Variants in PLEKHA8 observed in about 807,000 individuals in gnomAD.
PLEKHA8 encodes the protein pleckstrin homology domain-containing family A member 8.
Under a neutral mutation model 68.2 loss-of-function variants are expected in PLEKHA8, and 36 were observed. The ratio of observed to expected loss-of-function variants is 0.53; its 90% CI spans 0.40 to 0.70. The LOEUF (loss-of-function observed/expected upper bound fraction) is 0.70, where lower values mean the gene tolerates loss of function less well. Ranked by LOEUF, PLEKHA8 falls within the 30% of genes least tolerant of loss-of-function variation. The pLI, the probability that PLEKHA8 is intolerant of heterozygous loss-of-function variation, is 0.00. For missense variants in PLEKHA8, 505 were observed against 615.4 expected (o/e 0.82, Z 1.90); for synonymous variants, 211 against 216.1 (o/e 0.98, Z 0.20).
chr7:30,115,580 G>T (rs13244387), intron 13 of PLEKHA8, among the ~76,000 whole-genome samples: 1 of 90,596 alleles, frequency 1.1e-5, no homozygotes, highest in Non-Finnish European at 2.7e-5. Flanking sequence ...ATACATGCAC[G>T]TATACATGTA....
chr7:30,092,455 G>T (rs1305659664), downstream of PLEKHA8, among the ~76,000 whole-genome samples: 1 of 152,028 alleles, frequency 6.6e-6, no homozygotes, highest in African/African-American at 2.4e-5. Flanking sequence ...AGTCATGTCT[G>T]TATGTGAATG....
At chr7:30,048,392 T>C (rs999672600) in intron 4 of PLEKHA8, among the ~76,000 whole-genome samples, 2 of 152,240 alleles carry the variant, frequency 1.3e-5, no homozygotes, top group African/African-American at 4.8e-5. Flanking sequence ...TTGTCTTTCA[T>C]TGATGTGCAT....
chr7:30,037,942 C>A (rs1324019672), intron 1 of PLEKHA8, among the ~76,000 whole-genome samples: 1 of 152,048 alleles, frequency 6.6e-6, no homozygotes, highest in East Asian at 1.9e-4. Context: ...CCTCTTCCTC[C>A]CCCAACCCCC....
At chr7:30,115,470 A>G (rs897818338) in intron 13 of PLEKHA8, among the ~76,000 whole-genome samples, 1 of 152,024 alleles carries the variant, frequency 6.6e-6, no homozygotes, top group African/African-American at 2.4e-5. Context: ...ATATGTATAC[A>G]CACATGTATA....
chr7:30,041,380 A>G (rs1439847274), intron 1 of PLEKHA8, among the ~76,000 whole-genome samples: 2 of 152,026 alleles, frequency 1.3e-5, no homozygotes, highest in African/African-American at 2.4e-5. Context: ...TGTTATAAGG[A>G]AGGTAATATT....
chr7:30,095,538 A>T (rs1279490706), downstream of PLEKHA8, among the ~76,000 whole-genome samples: 6 of 152,064 alleles, frequency 3.9e-5, no homozygotes, highest in African/African-American at 1.4e-4. Context: ...ATTAGATCCC[A>T]TTTGTCAATT....
chr7:30,107,773 C>CA (rs143978890), intron 13 of PLEKHA8, among the ~76,000 whole-genome samples: 4,517 of 152,004 alleles, frequency 0.03, 216 homozygotes, highest in African/African-American at 0.1. Flanking sequence ...TTTAATATTA[C>CA]AAAAAAATTT....
intron 12 of PLEKHA8, chr7:30,071,687 G>A (rs572337144): frequency 1.7e-4 from 26 of 152,320 alleles, no homozygotes; most frequent in African/African-American, 5.8e-4. Flanking sequence ...TAGAGCAGGT[G>A]TTCATGGTAG....
At chr7:30,112,585 C>A (rs979721069) in intron 13 of PLEKHA8, among the ~76,000 whole-genome samples, 1 of 152,066 alleles carries the variant, frequency 6.6e-6, no homozygotes, top group South Asian at 2.1e-4. Context: ...CACGGTGGCT[C>A]ATGCCTGTAG....
At chr7:30,045,559 A>C (rs1018527891) in intron 2 of PLEKHA8, among the ~76,000 whole-genome samples, 2 of 152,082 alleles carry the variant, frequency 1.3e-5, no homozygotes, top group African/African-American at 4.8e-5. Context: ...ACACACACAC[A>C]CCCTCCACCA....
chr7:30,118,030 GA>G lies in PLEKHA8; in HGVS notation c.1363-11235del. On this transcript the variant is annotated intron_variant, in intron 13 of 13. Transcript: ENST00000396257. ...TGTCACTCAGAATCAGGCGGGTGCA[GA>G]GTGGCCTGCAGGACATGATGACCCA... The G allele has an allele frequency of 3.3e-6, 5 of 1,519,914 alleles. No individual in the cohort carries two copies. The South Asian group carries it at 6.1e-5, about 19-fold the overall frequency. The allele number at this position is 1,519,914 out of a possible 1,614,324, so 94.2% of individuals were successfully genotyped here. A position where few individuals can be genotyped will look rare whatever the true frequency, so the allele number is the denominator to read the frequency against.
intron 13 of PLEKHA8, among the ~76,000 whole-genome samples, chr7:30,116,251 C>CATGTATGT (rs1796551048): frequency 7.1e-6 from 1 of 140,286 alleles, no homozygotes; most frequent in African/African-American, 3.1e-5. Context: ...TATACATGTA[C>CATGTATGT]ACGTATACAT....
chr7:30,116,399 A>G (rs1796564579), intron 13 of PLEKHA8, among the ~76,000 whole-genome samples: 1 of 151,964 alleles, frequency 6.6e-6, no homozygotes, highest in Admixed American at 6.5e-5. Flanking sequence ...TTTTTCACCT[A>G]ATAGTGTATT....
chr7:30,054,695 T>A lies in PLEKHA8; in HGVS notation c.797-14T>A, dbSNP rs1443025138. 10 of 1,506,674 alleles carry A rather than the reference T, an allele frequency of 6.6e-6. No homozygotes were observed. The Admixed American group carries it at 2.1e-4, about 31-fold the overall frequency. The allele number at this position is 1,506,674 out of a possible 1,614,324, so 93.3% of individuals were successfully genotyped here. A position where few individuals can be genotyped will look rare whatever the true frequency, so the allele number is the denominator to read the frequency against. On this transcript the variant is annotated splice_polypyrimidine_tract_variant and intron_variant, in intron 7 of 13. Coordinates refer to ENST00000449726, the MANE Select transcript of PLEKHA8 (RefSeq NM_001197026.2). ...TATATAATAGGTTAGTAATAGATAT[T>A]TTCTACTTTGCAGTCCAAGGTGAAA...
At chr7:30,042,543 T>G (rs1396734787) in intron 1 of PLEKHA8, among the ~76,000 whole-genome samples, 3 of 152,220 alleles carry the variant, frequency 2.0e-5, no homozygotes, top group Admixed American at 6.5e-5. Context: ...AAGATGCTGT[T>G]GTTCTATACC....
intron 13 of PLEKHA8, among the ~76,000 whole-genome samples, chr7:30,105,743 C>T (rs1044012258): frequency 6.6e-6 from 1 of 152,154 alleles, no homozygotes; most frequent in Admixed American, 6.5e-5. Flanking sequence ...CAAGAGTTTT[C>T]CTCCAGGTAT....
intron 1 of PLEKHA8, among the ~76,000 whole-genome samples, chr7:30,041,716 A>G (rs1562855849): frequency 6.6e-6 from 1 of 152,300 alleles, no homozygotes; most frequent in East Asian, 1.9e-4. Flanking sequence ...TTCAAAATTT[A>G]CTGCAGCTGT....
chr7:30,045,995 G>A (rs1245191489), intron 2 of PLEKHA8, among the ~76,000 whole-genome samples: 1 of 152,194 alleles, frequency 6.6e-6, no homozygotes, highest in East Asian at 1.9e-4. Context: ...TGCCTTGGAG[G>A]CAATTGCAAG....
chr7:30,121,192 G>T (rs967657996), intron 13 of PLEKHA8, among the ~76,000 whole-genome samples: 1 of 152,038 alleles, frequency 6.6e-6, no homozygotes, highest in Non-Finnish European at 1.5e-5. Flanking sequence ...TTTGACCCAC[G>T]CATGCTTCCG....
Sources: allele counts gnomAD v4.1 joint callset (sites outside exome capture counted in the v4.1 genomes callset), GRCh38; gene constraint gnomAD v4.1.1; transcripts MANE v1.5; gene names NCBI Gene and HGNC (gene_info 2026-07-23, HGNC 2026-07-21).